Variants in NFASC observed in about 807,000 individuals in gnomAD.
NFASC encodes neurofascin, also known as neurofascin homolog.
A neutral mutation model predicts 147.5 loss-of-function variants in NFASC; 43 were observed. The observed-to-expected ratio is 0.29, with a 90% CI of 0.23 to 0.38. NFASC has a LOEUF of 0.38. NFASC is among the 10% of genes least tolerant of loss of function. The pLI is 1.00. For missense variants in NFASC, 1,320 were observed against 1,689.0 expected (o/e 0.78, Z 3.83); for synonymous variants, 622 against 665.5 (o/e 0.93, Z 1.01).
chr1:204,935,000 C>A (rs956502411), intron 2 of NFASC, among the ~76,000 whole-genome samples: 4 of 152,224 alleles, frequency 2.6e-5, no homozygotes, highest in African/African-American at 7.2e-5. Flanking sequence ...TCAAGGAATT[C>A]ATGGTGCAGT....
chr1:204,952,598 A>G (rs2094188028), intron 5 of NFASC, among the ~76,000 whole-genome samples: 1 of 152,218 alleles, frequency 6.6e-6, no homozygotes, highest in South Asian at 2.1e-4. Context: ...ACCACCTAAC[A>G]GTGCTCTGGG....
chr1:204,985,221 C>A (rs1210037499), intron 21 of NFASC, among the ~76,000 whole-genome samples: 1 of 152,216 alleles, frequency 6.6e-6, no homozygotes, highest in East Asian at 1.9e-4. Flanking sequence ...TTAGAGACTT[C>A]TTGTTGCCCA....
rs551901426 is a variant in NFASC at position 205,011,733 on chromosome 1, C to T, written c.3422-1064C>T. Among the ~76,000 whole-genome samples, 8 of 152,300 alleles carry T rather than the reference C, an allele frequency of 5.3e-5. No individual in the cohort carries two copies. In the South Asian group the frequency reaches 1.2e-3, roughly 24 times the overall value. On this transcript the variant is annotated intron_variant, in intron 28 of 29. Coordinates refer to ENST00000339876, the MANE Select transcript of NFASC (RefSeq NM_001005388.3). ...ACGTGACATGCTCTTCAACTCTCAA[C>T]GGTTCGGTTTCCCTCATCTAAAATG...
intron 2 of NFASC, among the ~76,000 whole-genome samples, chr1:204,922,679 A>C (rs2090733375): frequency 6.6e-6 from 1 of 152,150 alleles, no homozygotes; most frequent in Admixed American, 6.5e-5. Context: ...TCTCGCTGTG[A>C]TATCACACTG....
intron 1 of NFASC, among the ~76,000 whole-genome samples, chr1:204,860,073 C>A (rs2076527508): frequency 6.6e-6 from 1 of 152,114 alleles, no homozygotes; most frequent in Non-Finnish European, 1.5e-5. Context: ...AAGCAGCTGC[C>A]AGTGGAGAAA....
chr1:204,900,418 G>A (rs987789011), intron 1 of NFASC, among the ~76,000 whole-genome samples: 3 of 152,058 alleles, frequency 2.0e-5, no homozygotes, highest in African/African-American at 7.2e-5. Context: ...GCCAAATGAA[G>A]CAAACACTTT....
At chr1:204,873,768 A>G (rs1019778420) in intron 1 of NFASC, among the ~76,000 whole-genome samples, 1 of 152,184 alleles carries the variant, frequency 6.6e-6, no homozygotes, top group African/African-American at 2.4e-5. Context: ...TTCTTTGCCA[A>G]CCAGCTGGGC....
rs72753445 is a variant in NFASC, at chr1:204,991,234, C to T, written c.2768-58C>T. 5.9e-3 allele frequency: 9,465 copies of T among 1,591,958 alleles called. 53 individuals are homozygous for T. The highest frequency in any genetic ancestry group is 0.011 in the East Asian group (489 of 44,444). On this transcript the variant is annotated intron_variant, in intron 23 of 29. Coordinates refer to ENST00000339876, the MANE Select transcript of NFASC (RefSeq NM_001005388.3). ...TGGTCTCACTTGTGCTCTGTTTTCT[C>T]TTCCCTTTTCCATCCTTTCTCCCTC... is the stretch of plus-strand genomic sequence containing the variant.
At chr1:204,882,007 A>T (rs1358147968) in intron 1 of NFASC, among the ~76,000 whole-genome samples, 1 of 151,930 alleles carries the variant, frequency 6.6e-6, no homozygotes, top group African/African-American at 2.4e-5. Context: ...GTTTCCTCTT[A>T]GTAATTTTCC....
intron 1 of NFASC, among the ~76,000 whole-genome samples, chr1:204,910,425 T>G (rs557937792): frequency 3.9e-4 from 60 of 152,234 alleles, no homozygotes; most frequent in African/African-American, 1.3e-3. Flanking sequence ...AACTTTGGTG[T>G]ATTCATTTAT....
chr1:204,857,671 A>G (rs529566275), intron 1 of NFASC, among the ~76,000 whole-genome samples: 38 of 152,304 alleles, frequency 2.5e-4, no homozygotes, highest in African/African-American at 8.9e-4. Context: ...GAAGGGATGT[A>G]CACTGCTAGT....
At chr1:204,923,271 T>A (rs1034732747) in intron 2 of NFASC, among the ~76,000 whole-genome samples, 1 of 152,122 alleles carries the variant, frequency 6.6e-6, no homozygotes, top group African/African-American at 2.4e-5. Flanking sequence ...CTTCTCCCTT[T>A]GTTGGAAGCC....
chr1:204,919,886 T>C (rs2090103016), intron 1 of NFASC, among the ~76,000 whole-genome samples: 1 of 152,132 alleles, frequency 6.6e-6, no homozygotes, highest in African/African-American at 2.4e-5. Context: ...CCCAAAGTGC[T>C]GGGATTACAG....
chr1:204,982,445 G>A (rs2095526892), intron 21 of NFASC, among the ~76,000 whole-genome samples: 1 of 152,198 alleles, frequency 6.6e-6, no homozygotes, highest in African/African-American at 2.4e-5. Context: ...AGACACTTCT[G>A]TAGGAAGCAG....
chr1:204,877,462 G>C (rs2079258204), intron 1 of NFASC, among the ~76,000 whole-genome samples: 1 of 152,038 alleles, frequency 6.6e-6, no homozygotes, highest in African/African-American at 2.4e-5. Context: ...ATCGGGGGTG[G>C]ATCAAGTCTT....
At position 205,016,372 on chromosome 1, in the gene NFASC, G is replaced by A. The variant is rs773245304; in HGVS notation, c.3556G>A (p.Glu1186Lys). ...TSLDGTIKQQ[E>K]SDDSLVDYGE... ...TCTGGACGGCACCATCAAGCAGCAG[G>A]AGAGTGACGACAGCCTGGTGGACTA... Residue 1186 changes from glutamate (E) to lysine (K), a missense_variant, in exon 30 of 30, where the codon GAG becomes AAG. Coordinates refer to ENST00000339876, the MANE Select transcript of NFASC (RefSeq NM_001005388.3). This position sits in a 1 kb window ranked among gnomAD's most constrained non-coding sequence, Gnocchi z 5.1. 1 of 1,614,158 alleles carries A rather than the reference G, an allele frequency of 6.2e-7. No individual in the cohort carries two copies. The highest frequency in any genetic ancestry group is 8.5e-7 in the Non-Finnish European group (1 of 1,180,028).
rs749844237 is a variant in NFASC, at chr1:204,936,198, C to CTTTTTT, written c.-90-8023_-90-8022insTTTTTT. On this transcript the variant is annotated intron_variant, in intron 2 of 29. Coordinates refer to ENST00000339876, the MANE Select transcript of NFASC (RefSeq NM_001005388.3). ...TAACAGATTCCCTCTCTCTCTCTTT[C>CTTTTTT]TTTTTCTTTTTTTTTTTTTTTGAGA... 1.1e-3 allele frequency among the ~76,000 whole-genome samples: 81 copies of CTTTTTT among 71,880 alleles called. 5 individuals are homozygous for CTTTTTT. Among genetic ancestry groups the CTTTTTT allele is most frequent in the Admixed American group, 1.4e-3 (7 of 5,002 alleles). 47.2% of individuals were successfully genotyped at this position (71,880 alleles called of 152,430 possible). A position where few individuals can be genotyped will look rare whatever the true frequency, so the allele number is the denominator to read the frequency against.
At chr1:204,894,076 A>C (rs60896484) in intron 1 of NFASC, among the ~76,000 whole-genome samples, 19,300 of 152,276 alleles carry the variant, frequency 0.13, 2,071 homozygotes, top group East Asian at 0.53. Context: ...AACTCTTTGT[A>C]CCTGGATGTA....
intron 1 of NFASC, among the ~76,000 whole-genome samples, chr1:204,884,725 G>A (rs533814897): frequency 2.0e-5 from 3 of 152,248 alleles, no homozygotes; most frequent in African/African-American, 7.2e-5. Flanking sequence ...GCAGAGTACC[G>A]TTTGAGTGCC....
Sources: gnomAD v4.1 joint callset for allele counts (sites outside exome capture counted in the v4.1 genomes callset) on GRCh38, gnomAD v4.1.1 for gene constraint, Gnocchi (gnomAD v3.1) non-coding constraint, MANE v1.5 for transcripts, NCBI Gene and HGNC (gene_info 2026-07-23, HGNC 2026-07-21) for gene names.